The following P3H2 variants were observed in gnomAD, a reference collection of about 807,000 sequenced individuals.
The protein encoded by P3H2 is prolyl 3-hydroxylase 2.
A neutral mutation model predicts 87.0 loss-of-function variants in P3H2; 80 were observed. That is an observed-to-expected ratio of 0.92 (90% CI 0.77 to 1.11). The LOEUF (loss-of-function observed/expected upper bound fraction) is 1.11, where lower values mean the gene tolerates loss of function less well. Among genes scored for constraint, P3H2 ranks in the 50% least tolerant of loss-of-function variants. P3H2 has a pLI of 0.00. For synonymous variants in P3H2, 367 were observed against 359.3 expected, an observed-to-expected ratio of 1.02 and a Z score of -0.24; for missense variants, 1,001 against 923.9, an observed-to-expected ratio of 1.08 and a Z score of -1.08.
rs75805851 is a variant in P3H2 at position 190,062,907 on chromosome 3, T to C, written c.480+57345A>G. Among the ~76,000 whole-genome samples the C allele has an allele frequency of 6.8e-3, 1,027 of 152,118 alleles. 14 individuals are homozygous for C. Among genetic ancestry groups the C allele is most frequent in the African/African-American group, 0.023 (962 of 41,514 alleles). ...AACAGAATACCAGAATGGGATAACA[T>C]CAGAATTGGGAGCAAGAATGTGGAG... On this transcript the variant is annotated intron_variant, in intron 1 of 14. Transcript: ENST00000319332.
chr3:189,983,075 G>A lies in P3H2; in HGVS notation c.1295C>T (p.Ser432Leu), dbSNP rs771139030. ...VHGFSMGKKL[S>L]PKIDRDLREG... is the part of the protein sequence containing the mutation. The stretch of plus-strand genomic sequence containing the variant: ...TCTTAGGTCTCGATCTATCTTGGGT[G>A]ATAGCTTTTTTCCCATTGAGAATCC... The change falls in exon 8 of 15, where the codon TCA becomes TTA. Residue 432 changes from serine (S) to leucine (L), a missense_variant. Coordinates refer to ENST00000319332, the MANE Select transcript of P3H2 (RefSeq NM_018192.4). 6.2e-7 allele frequency: 1 copy of A among 1,613,810 alleles called. No homozygotes were observed. Among genetic ancestry groups the A allele is most frequent in the Non-Finnish European group, 8.5e-7 (1 of 1,179,764 alleles).
At chr3:190,024,598 G>T (rs911903403) in intron 1 of P3H2, among the ~76,000 whole-genome samples, 5 of 149,380 alleles carry the variant, frequency 3.3e-5, no homozygotes, top group Non-Finnish European at 7.4e-5. Flanking sequence ...AATTCCAACA[G>T]TCTGAATTTA....
intron 1 of P3H2, among the ~76,000 whole-genome samples, chr3:190,062,809 T>C (rs543724116): frequency 6.6e-6 from 1 of 152,192 alleles, no homozygotes; most frequent in South Asian, 2.1e-4. Flanking sequence ...ATCTTACATT[T>C]ACAAACTCCA....
At chr3:190,069,974 CTTT>C (rs1726644639) in intron 1 of P3H2, among the ~76,000 whole-genome samples, 4 of 148,718 alleles carry the variant, frequency 2.7e-5, no homozygotes, top group African/African-American at 7.4e-5. Flanking sequence ...TCTTCTTCTT[CTTT>C]TTAAGTTGTG....
At chr3:190,014,773 T>G (rs1243914065) in intron 1 of P3H2, among the ~76,000 whole-genome samples, 1 of 152,078 alleles carries the variant, frequency 6.6e-6, no homozygotes, top group East Asian at 1.9e-4. Flanking sequence ...TTCTGCTCTG[T>G]ATGACTCTTT....
intron 1 of P3H2, among the ~76,000 whole-genome samples, chr3:190,058,961 G>A (rs374953302): frequency 7.4e-4 from 113 of 152,274 alleles, no homozygotes; most frequent in African/African-American, 2.6e-3. Flanking sequence ...ATTGGGGAAG[G>A]AGGGCATTCT....
intron 1 of P3H2, among the ~76,000 whole-genome samples, chr3:190,051,953 G>A (rs1725996858): frequency 6.6e-6 from 1 of 152,162 alleles, no homozygotes; most frequent in African/African-American, 2.4e-5. Context: ...ACTTGCCCAG[G>A]AGTCAGACCT....
intron 1 of P3H2, among the ~76,000 whole-genome samples, chr3:190,098,046 AAC>A (rs1225222756): frequency 1.3e-5 from 2 of 152,238 alleles, no homozygotes; most frequent in African/African-American, 4.8e-5. Context: ...AAAATAAAAA[AAC>A]ATTTTATGAA....
Position 189,990,969 on chromosome 3 carries a change from G to A in P3H2, c.824-1931C>T, listed in dbSNP as rs181106054. 2.7e-3 allele frequency among the ~76,000 whole-genome samples: 418 copies of A among 152,282 alleles called. 2 individuals carry two copies. The highest frequency in any genetic ancestry group is 9.8e-3 in the African/African-American group (406 of 41,556). ...GGTCCATTTTCCTAAACCAGATCTAGGACATTGGCCAAAACTGTTCAGTGG... is the reference window on the plus strand; with the variant it reads ...GGTCCATTTTCCTAAACCAGATCTAAGACATTGGCCAAAACTGTTCAGTGG... On this transcript the variant is annotated intron_variant, in intron 3 of 14. Coordinates refer to ENST00000319332, the MANE Select transcript of P3H2 (RefSeq NM_018192.4).
chr3:189,984,462 TTTCATA>T, intron 7 of P3H2, 82 bp downstream of exon 7: 4 of 999,256 alleles, frequency 4.0e-6, no homozygotes, highest in Non-Finnish European at 6.4e-6. Flanking sequence ...TCCTTGCCTA[TTTCATA>T]GAGCTACATT....
Position 189,983,102 on chromosome 3 carries a change from T to C in P3H2, c.1268A>G (p.His423Arg), listed in dbSNP as rs921155105. The C allele has an allele frequency of 1.2e-6, 2 of 1,613,942 alleles. No individual in the cohort carries two copies. The highest frequency in any genetic ancestry group is 1.7e-6 in the Non-Finnish European group (2 of 1,179,874). The change falls in exon 8 of 15, where the codon CAT (histidine) becomes CGT (arginine). Residue 423 changes from histidine (H) to arginine (R), a missense_variant. Coordinates refer to ENST00000319332, the MANE Select transcript of P3H2 (RefSeq NM_018192.4). ...TAGCTTTTTTCCCATTGAGAATCCATGAACTTCTGCTCCCTCTACGTTCAC... is the reference window on the plus strand; with the variant it reads ...TAGCTTTTTTCCCATTGAGAATCCACGAACTTCTGCTCCCTCTACGTTCAC... Reference protein sequence around the residue: ...SGVNVEGAEVHGFSMGKKLSP... With the variant: ...SGVNVEGAEVRGFSMGKKLSP...
intron 1 of P3H2, among the ~76,000 whole-genome samples, chr3:190,117,766 A>C (rs1354063675): frequency 6.9e-6 from 1 of 144,414 alleles, no homozygotes; most frequent in Non-Finnish European, 1.5e-5. Context: ...AGGGGGGTGA[A>C]GGGGAGAGAA....
At chr3:190,090,145 A>G (rs1029858247) in intron 1 of P3H2, among the ~76,000 whole-genome samples, 3 of 152,150 alleles carry the variant, frequency 2.0e-5, no homozygotes, top group Non-Finnish European at 4.4e-5. Context: ...CTCATTATGC[A>G]TCAGGTCAAA....
intron 1 of P3H2, among the ~76,000 whole-genome samples, chr3:190,091,920 G>C (rs141851263): frequency 3.9e-5 from 6 of 152,254 alleles, no homozygotes; most frequent in African/African-American, 1.4e-4. Context: ...TAAATAAGTG[G>C]GGCCATGTCT....
At position 190,068,962 on chromosome 3, in the gene P3H2, G is replaced by A. The variant is rs543049539; in HGVS notation, c.480+51290C>T. ...TACAACCAACTAAACGTTTGCTATCGATACCATCCCATGTTTGGTAGTACA... is the reference window on the plus strand; with the variant it reads ...TACAACCAACTAAACGTTTGCTATCAATACCATCCCATGTTTGGTAGTACA... On this transcript the variant is annotated intron_variant, in intron 1 of 14. Transcript: ENST00000319332. Among the ~76,000 whole-genome samples, 5 of 152,096 alleles carry A rather than the reference G, an allele frequency of 3.3e-5. No individual in the cohort carries two copies. The South Asian group carries it at 8.3e-4, about 25-fold the overall frequency.
intron 1 of P3H2, among the ~76,000 whole-genome samples, chr3:190,002,025 T>C (rs530428032): frequency 4.7e-4 from 72 of 152,300 alleles, no homozygotes; most frequent in Middle Eastern, 3.4e-3. Context: ...AAATGTAAAG[T>C]ATGGGCTTAT....
At chr3:190,073,413 A>G (rs1726768787) in intron 1 of P3H2, among the ~76,000 whole-genome samples, 1 of 152,206 alleles carries the variant, frequency 6.6e-6, no homozygotes, top group South Asian at 2.1e-4. Flanking sequence ...CCTCTTCCTC[A>G]AAATGAGCCA....
chr3:190,040,128 T>TCA (rs955038659), intron 1 of P3H2, among the ~76,000 whole-genome samples: 3 of 152,122 alleles, frequency 2.0e-5, no homozygotes, highest in African/African-American at 7.2e-5. Flanking sequence ...GTAATTGGCA[T>TCA]CACACACACA....
At chr3:190,014,059 T>C (rs548059381) in intron 1 of P3H2, among the ~76,000 whole-genome samples, 1 of 152,268 alleles carries the variant, frequency 6.6e-6, no homozygotes, top group Non-Finnish European at 1.5e-5. Context: ...AATAAATAGT[T>C]GATTTATGAG....
Sources: gnomAD v4.1 joint callset for allele counts (sites outside exome capture counted in the v4.1 genomes callset) on GRCh38, gnomAD v4.1.1 for gene constraint, MANE v1.5 for transcripts, NCBI Gene and HGNC (gene_info 2026-07-23, HGNC 2026-07-21) for gene names.